MACROD2: variants seen among roughly 807,000 people sequenced by gnomAD.
MACROD2 encodes mono-ADP ribosylhydrolase 2, also known as ADP-ribose glycohydrolase MACROD2.
In MACROD2, 36 loss-of-function variants were observed where a neutral mutation model predicts 70.4. That is an observed-to-expected ratio of 0.51 (90% CI 0.39 to 0.68). The LOEUF is 0.68. MACROD2 is among the 30% of genes least tolerant of loss of function. The pLI, the probability that MACROD2 is intolerant of heterozygous loss-of-function variation, is 0.00. For synonymous variants in MACROD2, 172 were observed against 178.8 expected (o/e 0.96, Z 0.30); for missense variants, 496 against 538.4 (o/e 0.92, Z 0.78).
At chr20:14,746,799 A>G (rs1568772633) in intron 5 of MACROD2, among the ~76,000 whole-genome samples, 1 of 151,990 alleles carries the variant, frequency 6.6e-6, no homozygotes, top group Non-Finnish European at 1.5e-5. Context: ...AGCTAATGGT[A>G]TTTTTTTCGT....
intron 15 of MACROD2, among the ~76,000 whole-genome samples, chr20:16,039,271 CATT>C (rs2147605891): frequency 6.6e-6 from 1 of 152,030 alleles, no homozygotes; most frequent in Admixed American, 6.6e-5. Flanking sequence ...ATCCCTTTCT[CATT>C]ATAATTTTAA....
Position 15,336,142 on chromosome 20 carries a change from C to T in MACROD2, c.541-95263C>T, listed in dbSNP as rs552731287. Among the ~76,000 whole-genome samples the T allele has an allele frequency of 7.9e-5, 12 of 151,722 alleles. No individual in the cohort carries two copies. The South Asian group carries it at 2.5e-3, about 31-fold the overall frequency. On this transcript the variant is annotated intron_variant, in intron 6 of 17. Coordinates refer to ENST00000684519, the MANE Select transcript of MACROD2 (RefSeq NM_001351661.2). ...CATTTCTTGAGCACTGGTTGAGCAT[C>T]GTGTTAGTAAAATTAAATGTTAATC...
At chr20:15,171,152 GGTTTCT>G (rs2076419524) in intron 5 of MACROD2, among the ~76,000 whole-genome samples, 1 of 152,120 alleles carries the variant, frequency 6.6e-6, no homozygotes, top group Non-Finnish European at 1.5e-5. Context: ...TTAAGTTCGA[GGTTTCT>G]GTTTATTGGC....
At chr20:15,009,711 C>G (rs1296899801) in intron 5 of MACROD2, among the ~76,000 whole-genome samples, 1 of 151,230 alleles carries the variant, frequency 6.6e-6, no homozygotes, top group Non-Finnish European at 1.5e-5. Context: ...TCCTTCCCAG[C>G]TAATTTTTTT....
At chr20:15,210,495 G>A (rs953451439) in intron 5 of MACROD2, among the ~76,000 whole-genome samples, 22 of 149,320 alleles carry the variant, frequency 1.5e-4, no homozygotes, top group Admixed American at 1.4e-3. Flanking sequence ...TCTACTAACT[G>A]TCATGCTCCT....
rs77704060 is a variant in MACROD2 at position 15,575,827 on chromosome 20, C to T, written c.645+75980C>T. On this transcript the variant is annotated intron_variant, in intron 8 of 17. Transcript: ENST00000684519. ...ATGTCTAAGCCTCTCAACAGTCCCC[C>T]GTGTCTCTTTCCGGCCACGACTCCC... is the stretch of plus-strand genomic sequence containing the variant. Among the ~76,000 whole-genome samples the T allele has an allele frequency of 6.4e-3, 976 of 152,174 alleles. 11 individuals are homozygous for T. The highest frequency in any genetic ancestry group is 0.022 in the African/African-American group (906 of 41,498).
intron 5 of MACROD2, among the ~76,000 whole-genome samples, chr20:15,205,982 A>G (rs1334682422): frequency 6.7e-6 from 1 of 150,292 alleles, no homozygotes. Context: ...AGCAATTTGC[A>G]AGGAAGCAGT....
intron 8 of MACROD2, among the ~76,000 whole-genome samples, chr20:15,537,020 A>G (rs978364451): frequency 6.6e-6 from 1 of 152,086 alleles, no homozygotes; most frequent in South Asian, 2.1e-4. Flanking sequence ...GGCCACTGAT[A>G]TGGTTTGGCC....
At chr20:14,650,576 G>T (rs1247914650) in intron 4 of MACROD2, among the ~76,000 whole-genome samples, 2 of 152,150 alleles carry the variant, frequency 1.3e-5, no homozygotes, top group Non-Finnish European at 2.9e-5. Context: ...AGACTCAAAT[G>T]GAACTGACTT....
chr20:14,722,486 C>A (rs558964531), intron 5 of MACROD2, among the ~76,000 whole-genome samples: 2 of 152,322 alleles, frequency 1.3e-5, no homozygotes, highest in East Asian at 3.9e-4. Context: ...TTTCCTCACA[C>A]CCACTTGTTC....
chr20:14,382,350 G>A (rs66492340), intron 3 of MACROD2, among the ~76,000 whole-genome samples: 41,210 of 151,366 alleles, frequency 0.27, 6,667 homozygotes, highest in East Asian at 0.57. Flanking sequence ...GTGAGCCACC[G>A]TGACCATACA....
At chr20:15,346,288 C>G (rs564149396) in intron 6 of MACROD2, among the ~76,000 whole-genome samples, 34 of 152,048 alleles carry the variant, frequency 2.2e-4, no homozygotes, top group Admixed American at 5.2e-4. Context: ...AGCAGAATTC[C>G]TGTTCCTGGA....
At chr20:14,042,859 G>A (rs1199989166) in intron 2 of MACROD2, among the ~76,000 whole-genome samples, 1 of 151,718 alleles carries the variant, frequency 6.6e-6, no homozygotes. Flanking sequence ...AGAAGTTGAG[G>A]GTTCAGTCTC....
At chr20:15,945,627 C>T (rs961673634) in intron 12 of MACROD2, among the ~76,000 whole-genome samples, 1 of 152,168 alleles carries the variant, frequency 6.6e-6, no homozygotes, top group Non-Finnish European at 1.5e-5. Context: ...TTTCTATCAG[C>T]AACTGTTATT....
chr20:15,271,693 C>A (rs2077347893), intron 6 of MACROD2, among the ~76,000 whole-genome samples: 1 of 152,090 alleles, frequency 6.6e-6, no homozygotes, highest in Non-Finnish European at 1.5e-5. Context: ...GGTAGGTGAA[C>A]CCTACATTTC....
At chr20:14,143,178 A>G (rs1430505481) in intron 3 of MACROD2, among the ~76,000 whole-genome samples, 1 of 152,196 alleles carries the variant, frequency 6.6e-6, no homozygotes, top group African/African-American at 2.4e-5. Context: ...GGCTTTGTAC[A>G]TTGTTTTCAA....
intron 5 of MACROD2, among the ~76,000 whole-genome samples, chr20:14,780,477 G>T (rs576267215): frequency 2.7e-5 from 4 of 150,750 alleles, no homozygotes; most frequent in African/African-American, 4.9e-5. Flanking sequence ...CAGGAGAATC[G>T]CTTGAACCTG....
rs140068491 is a variant in MACROD2 at position 14,327,544 on chromosome 20, C to A, written c.272-165935C>A. Reference sequence around the variant, plus strand: ...TGAGGTCTTTATACAAGGTAGCTTCCGTTACTTCAGAACCCTAAAATGAAG... The same window carrying A: ...TGAGGTCTTTATACAAGGTAGCTTCAGTTACTTCAGAACCCTAAAATGAAG... On this transcript the variant is annotated intron_variant, in intron 3 of 17. Transcript: ENST00000684519. The A allele has an allele frequency of 1.7e-5, 27 of 1,559,892 alleles. No homozygotes were observed. In the African/African-American group the frequency reaches 2.9e-4, roughly 17 times the overall value.
At chr20:15,805,668 G>C (rs963986365) in intron 8 of MACROD2, among the ~76,000 whole-genome samples, 1 of 152,136 alleles carries the variant, frequency 6.6e-6, no homozygotes, top group Non-Finnish European at 1.5e-5. Flanking sequence ...TAGAGACGGG[G>C]TTTCTCCATG....
Sources: gnomAD v4.1 joint callset for allele counts (sites outside exome capture counted in the v4.1 genomes callset) on GRCh38, gnomAD v4.1.1 for gene constraint, MANE v1.5 for transcripts, NCBI Gene and HGNC (gene_info 2026-07-23, HGNC 2026-07-21) for gene names.